The following SLC35F4 variants were observed in gnomAD, a reference collection of about 807,000 sequenced individuals.
SLC35F4 encodes solute carrier family 35 member F4.
Under a neutral mutation model 44.2 loss-of-function variants are expected in SLC35F4, and 24 were observed. The ratio of observed to expected loss-of-function variants is 0.54; its 90% CI spans 0.39 to 0.76. The LOEUF is 0.76. Among genes scored for constraint, SLC35F4 ranks in the 30% least tolerant of loss-of-function variants. The probability of loss-of-function intolerance (pLI) is 0.00; values close to 1 mark genes in which losing one functional copy is unlikely to be tolerated. For missense variants in SLC35F4, 562 were observed against 586.1 expected (o/e 0.96, Z 0.42); for synonymous variants, 238 against 223.6 (o/e 1.06, Z -0.57).
intron 2 of SLC35F4, among the ~76,000 whole-genome samples, chr14:57,590,790 C>T (rs1009686667): frequency 1.3e-5 from 2 of 152,156 alleles, no homozygotes; most frequent in Admixed American, 6.5e-5. Context: ...GTTAAAGTAG[C>T]GCAGCCCAGA....
At chr14:57,852,113 T>G (rs1052750147) in intron 1 of SLC35F4, among the ~76,000 whole-genome samples, 21 of 152,186 alleles carry the variant, frequency 1.4e-4, no homozygotes, top group African/African-American at 4.6e-4. Flanking sequence ...AGAAAAGCAT[T>G]AAACAGTTAC....
intron 1 of SLC35F4, among the ~76,000 whole-genome samples, chr14:57,740,142 A>G (rs868203306): frequency 6.6e-6 from 1 of 152,106 alleles, no homozygotes; most frequent in African/African-American, 2.4e-5. Flanking sequence ...TTACAGGCAT[A>G]TTGTCATTTT....
intron 1 of SLC35F4, among the ~76,000 whole-genome samples, chr14:57,634,582 G>A (rs922817379): frequency 2.0e-5 from 3 of 152,158 alleles, no homozygotes; most frequent in African/African-American, 7.2e-5. Flanking sequence ...AATGCAGTGA[G>A]TGAGCGAGGA....
At chr14:57,663,764 C>T (rs1334520542) in intron 1 of SLC35F4, among the ~76,000 whole-genome samples, 1 of 152,128 alleles carries the variant, frequency 6.6e-6, no homozygotes, top group East Asian at 1.9e-4. Flanking sequence ...CTGCTGGGCC[C>T]TTGTTAGGAG....
intron 1 of SLC35F4, among the ~76,000 whole-genome samples, chr14:57,733,711 G>A (rs535405835): frequency 5.9e-5 from 9 of 151,800 alleles, no homozygotes; most frequent in South Asian, 4.2e-4. Context: ...TCAAACCTAC[G>A]CAAAAGTACA....
chr14:57,976,558 C>T (rs1165507346), downstream of SLC35F4, among the ~76,000 whole-genome samples: 1 of 152,202 alleles, frequency 6.6e-6, no homozygotes, highest in Non-Finnish European at 1.5e-5. Flanking sequence ...TCATTGAAGA[C>T]TTACAGCACA....
At chr14:57,690,584 C>T (rs1202845155) in intron 1 of SLC35F4, among the ~76,000 whole-genome samples, 1 of 152,004 alleles carries the variant, frequency 6.6e-6, no homozygotes, top group Non-Finnish European at 1.5e-5. Flanking sequence ...AAGCACATTA[C>T]ATTTATTGTG....
intron 1 of SLC35F4, among the ~76,000 whole-genome samples, chr14:57,605,920 T>G (rs1165711980): frequency 6.6e-6 from 1 of 152,042 alleles, no homozygotes; most frequent in African/African-American, 2.4e-5. Context: ...TGTGTAGACA[T>G]GGTCATAAAA....
chr14:57,659,736 C>G (rs892680552), intron 1 of SLC35F4, among the ~76,000 whole-genome samples: 1 of 152,176 alleles, frequency 6.6e-6, no homozygotes, highest in Non-Finnish European at 1.5e-5. Context: ...CTTTCACCAT[C>G]ATTATTTACA....
chr14:57,572,092 C>G (rs2068542619), intron 4 of SLC35F4, 73 bp from the exon 5 acceptor site: 1 of 1,542,190 alleles, frequency 6.5e-7, no homozygotes, highest in Admixed American at 1.9e-5. Flanking sequence ...TTCAAGACTT[C>G]CTGAAAGCTG....
At chr14:57,718,195 A>G (rs556176036) in intron 1 of SLC35F4, among the ~76,000 whole-genome samples, 2 of 152,190 alleles carry the variant, frequency 1.3e-5, no homozygotes, top group East Asian at 1.9e-4. Context: ...TTATAGCTCA[A>G]TAGTACTCTA....
intron 1 of SLC35F4, among the ~76,000 whole-genome samples, chr14:57,766,834 C>A (rs2077246780): frequency 6.6e-6 from 1 of 152,014 alleles, no homozygotes; most frequent in African/African-American, 2.4e-5. Flanking sequence ...CAATAATTAC[C>A]TTAAATGTAA....
At chr14:57,723,865 C>T (rs754181418) in intron 1 of SLC35F4, among the ~76,000 whole-genome samples, 2 of 152,256 alleles carry the variant, frequency 1.3e-5, no homozygotes, top group African/African-American at 4.8e-5. Flanking sequence ...AAGTAGCAAA[C>T]ACACTGACCT....
intron 1 of SLC35F4, among the ~76,000 whole-genome samples, chr14:57,609,694 G>A (rs2071378972): frequency 1.3e-5 from 2 of 152,194 alleles, no homozygotes; most frequent in South Asian, 2.1e-4. Flanking sequence ...AAATTTATCT[G>A]ATGGAGTGAA....
intron 7 of SLC35F4, among the ~76,000 whole-genome samples, chr14:57,565,538 T>G (rs906838551): frequency 2.0e-5 from 3 of 152,322 alleles, no homozygotes; most frequent in Admixed American, 2.0e-4. Context: ...GTCACTAGTG[T>G]TAGGACAGTT....
intron 1 of SLC35F4, among the ~76,000 whole-genome samples, chr14:57,951,390 T>A (rs989132259): frequency 6.6e-6 from 1 of 151,388 alleles, no homozygotes; most frequent in African/African-American, 2.5e-5. Context: ...TAGCTGGAGT[T>A]TTTTTTCATA....
intron 1 of SLC35F4, among the ~76,000 whole-genome samples, chr14:57,744,413 A>G (rs71414169): frequency 0.49 from 74,820 of 151,842 alleles, 18,455 homozygotes; most frequent in Middle Eastern, 0.57. Context: ...AAAATCACAA[A>G]CATTCCTATA....
intron 1 of SLC35F4, among the ~76,000 whole-genome samples, chr14:57,877,719 T>A (rs1888431189): frequency 7.2e-6 from 1 of 139,834 alleles, no homozygotes; most frequent in African/African-American, 2.6e-5. Flanking sequence ...GGAGTCTTGC[T>A]CTGTTACCCA....
At chr14:57,932,981 C>A (rs1889727866) in intron 1 of SLC35F4, among the ~76,000 whole-genome samples, 1 of 152,022 alleles carries the variant, frequency 6.6e-6, no homozygotes, top group South Asian at 2.1e-4. Context: ...ATCATTCCCC[C>A]ATTTTCCTGC....
Sources: gnomAD v4.1 joint callset for allele counts (sites outside exome capture counted in the v4.1 genomes callset) on GRCh38, gnomAD v4.1.1 for gene constraint, MANE v1.5 for transcripts, NCBI Gene and HGNC (gene_info 2026-07-23, HGNC 2026-07-21) for gene names.